GSE1: variants seen among roughly 807,000 people sequenced by gnomAD.
GSE1 encodes Gse1 coiled-coil protein, also known as genetic suppressor element 1.
Under a neutral mutation model 112.6 loss-of-function variants are expected in GSE1, and 32 were observed. The observed-to-expected ratio is 0.28, with a 90% CI of 0.21 to 0.38. GSE1 has a LOEUF of 0.38. Among genes scored for constraint, GSE1 ranks in the 10% least tolerant of loss-of-function variants. The pLI, the probability that GSE1 is intolerant of heterozygous loss-of-function variation, is 1.00. For synonymous variants in GSE1, 1,115 were observed against 735.6 expected, an observed-to-expected ratio of 1.52 and a Z score of -8.35; for missense variants, 2,348 against 1,699.2, an observed-to-expected ratio of 1.38 and a Z score of -6.71.
chr16:85,654,382 C>G lies in GSE1; in HGVS notation c.531C>G (p.Leu177=), dbSNP rs375693569. ...GACCAGCCATCCCCTCGCACCTGCTCAGCACCCCCTACCCCTTCGGCCTCT... is the reference window on the plus strand; with the variant it reads ...GACCAGCCATCCCCTCGCACCTGCTGAGCACCCCCTACCCCTTCGGCCTCT... ...AGGPAIPSHL[L]STPYPFGLSP... The change falls in exon 4 of 16, where the codon CTC becomes CTG. Residue 177 remains leucine, a synonymous_variant. Transcript: ENST00000253458. 4 of 1,611,650 alleles carry G rather than the reference C, an allele frequency of 2.5e-6. No individual in the cohort carries two copies. In the Admixed American group the frequency reaches 5.0e-5, roughly 20 times the overall value.
intron 2 of GSE1, among the ~76,000 whole-genome samples, chr16:85,467,914 G>A (rs1191708746): frequency 1.3e-5 from 2 of 152,184 alleles, no homozygotes; most frequent in African/African-American, 4.8e-5. Flanking sequence ...CTCTGAGCTG[G>A]GACCTGAGAC....
chr16:85,300,623 A>C (rs929193770), intron 1 of GSE1, among the ~76,000 whole-genome samples: 1 of 152,184 alleles, frequency 6.6e-6, no homozygotes, highest in Non-Finnish European at 1.5e-5. Context: ...TCAGTGCCTC[A>C]TTCCTCTCTC....
intron 1 of GSE1, among the ~76,000 whole-genome samples, chr16:85,188,015 A>G (rs1448767775): frequency 6.6e-6 from 1 of 152,172 alleles, no homozygotes; most frequent in Non-Finnish European, 1.5e-5. Flanking sequence ...CACGTCTCCC[A>G]TGGGCCTTGG....
At chr16:85,663,173 T>A in intron 10 of GSE1, 80 bp downstream of exon 10, 1 of 1,242,798 alleles carries the variant, frequency 8.0e-7, no homozygotes, top group Non-Finnish European at 1.2e-6. Flanking sequence ...TCCACCCCAC[T>A]GTTGCTAGGT....
chr16:85,494,014 T>C (rs1234656522), intron 2 of GSE1, among the ~76,000 whole-genome samples: 1 of 151,924 alleles, frequency 6.6e-6, no homozygotes, highest in Non-Finnish European at 1.5e-5. Flanking sequence ...GGCCCAGGAG[T>C]TTGAGGCTAC....
At chr16:85,186,086 GT>G (rs2074695303) in intron 1 of GSE1, among the ~76,000 whole-genome samples, 1 of 152,186 alleles carries the variant, frequency 6.6e-6, no homozygotes, top group South Asian at 2.1e-4. Context: ...ACTGTTCTAT[GT>G]CCCCCTAGGC....
chr16:85,206,668 G>A (rs2075122297), intron 1 of GSE1, among the ~76,000 whole-genome samples: 1 of 112,150 alleles, frequency 8.9e-6, no homozygotes, highest in Non-Finnish European at 1.8e-5. Context: ...TCCTGCCCCT[G>A]CCCGTCCCCT....
rs564272210 is a variant in GSE1, at chr16:85,627,044, C to CTTTTTTTTTTTTTTTTTTTTTTTTTTT, written c.8-6864_8-6838dup. Among the ~76,000 whole-genome samples the CTTTTTTTTTTTTTTTTTTTTTTTTTTT allele has an allele frequency of 8.0e-4, 20 of 25,068 alleles. 3 individuals are homozygous for CTTTTTTTTTTTTTTTTTTTTTTTTTTT. The highest frequency in any genetic ancestry group is 1.1e-3 in the Non-Finnish European group (15 of 14,064). 16.4% of individuals were successfully genotyped at this position (25,068 alleles called of 152,430 possible). A position where few individuals can be genotyped will look rare whatever the true frequency, so the allele number is the denominator to read the frequency against. The stretch of plus-strand genomic sequence containing the variant: ...GGACTTTGCTTCCTTTTCTTCTTGC[C>CTTTTTTTTTTTTTTTTTTTTTTTTTTT]TTTTTTTTTTTTTTTTTTTTTTTTT... On this transcript the variant is annotated intron_variant, in intron 1 of 15. Transcript: ENST00000253458.
rs190912785 is a variant in GSE1 at position 85,175,940 on chromosome 16, G to A, written c.2283+4133G>A. Among the ~76,000 whole-genome samples, 131 of 152,302 alleles carry A rather than the reference G, an allele frequency of 8.6e-4. 1 individual carries two copies. The highest frequency in any genetic ancestry group is 3.4e-3 in the Middle Eastern group (1 of 294). On this transcript the variant is annotated intron_variant, in intron 1 of 2. Transcript: ENST00000637419. ...AGGACCAGCGTCGGGCCTGAGTCCA[G>A]CTCTTGAGTCTGTGCTCCAGCCTCT... is the stretch of plus-strand genomic sequence containing the variant.
intron 1 of GSE1, among the ~76,000 whole-genome samples, chr16:85,280,521 G>T (rs563386241): frequency 6.6e-6 from 1 of 152,152 alleles, no homozygotes; most frequent in African/African-American, 2.4e-5. Flanking sequence ...TCAGCCTCTC[G>T]AGTAGCTGGG....
chr16:85,250,684 A>G (rs748818473), intron 1 of GSE1, among the ~76,000 whole-genome samples: 3 of 152,210 alleles, frequency 2.0e-5, no homozygotes, highest in East Asian at 1.9e-4. Context: ...TAATTCACAT[A>G]TCATGCAAGC....
At position 85,311,887 on chromosome 16, in the gene GSE1, G is replaced by A. The variant is rs1313312474; in HGVS notation, c.2284-45576G>A. Among the ~76,000 whole-genome samples the A allele has an allele frequency of 6.6e-6, 1 of 152,158 alleles. No individual in the cohort carries two copies. Among genetic ancestry groups the A allele is most frequent in the East Asian group, 1.9e-4 (1 of 5,180 alleles). On this transcript the variant is annotated intron_variant, in intron 1 of 2. Transcript: ENST00000637419. The surrounding 1 kb of genome is among the most constrained non-coding windows in gnomAD (Gnocchi z 4.2). ...GACCCCAGCGTCTGTGTTTCATGAG[G>A]GTTGTGAAGTCCCTGCCTTCCCGGG...
rs546199689 is a variant in GSE1, at chr16:85,573,086, ACTCCTGAC to A, written c.37+16727_37+16734del. 3.0e-3 allele frequency among the ~76,000 whole-genome samples: 456 copies of A among 151,716 alleles called. 1 individual carries two copies. The highest frequency in any genetic ancestry group is 0.011 in the African/African-American group (435 of 41,340). Reference sequence around the variant, plus strand: ...GCCATATTTGCCAGGCTGGTCTTAAACTCCTGACCTCAGGTGATCCGCCCGCCTCGGCC... The same window carrying A: ...GCCATATTTGCCAGGCTGGTCTTAAACTCAGGTGATCCGCCCGCCTCGGCC... On this transcript the variant is annotated intron_variant, in intron 1 of 2. Transcript: ENST00000635906.
Position 85,484,328 on chromosome 16 carries a change from C to G in GSE1, c.2464+126685C>G, listed in dbSNP as rs555278119. ...ATAGCCAGCAGGACTCAGATGGGAG[C>G]CTGGATTCCCATTTCTGCCAGTGAT... On this transcript the variant is annotated intron_variant, in intron 2 of 2. Coordinates refer to the GSE1 transcript ENST00000637419. Among the ~76,000 whole-genome samples the G allele has an allele frequency of 3.9e-3, 588 of 152,372 alleles. 4 individuals are homozygous for G. Among genetic ancestry groups the G allele is most frequent in the Non-Finnish European group, 5.2e-3 (351 of 68,044 alleles).
chr16:85,211,447 C>T (rs1316662324), intron 1 of GSE1, among the ~76,000 whole-genome samples: 2 of 152,212 alleles, frequency 1.3e-5, no homozygotes, highest in African/African-American at 2.4e-5. Flanking sequence ...GTGAGAACTG[C>T]GTTCCTGTCC....
intron 2 of GSE1, among the ~76,000 whole-genome samples, chr16:85,420,025 T>C (rs2048795870): frequency 2.0e-5 from 3 of 152,296 alleles, no homozygotes; most frequent in Middle Eastern, 3.4e-3. Context: ...CCAGGGATGC[T>C]GAACAGAACA....
At chr16:85,307,386 C>T (rs2045709038) in intron 1 of GSE1, among the ~76,000 whole-genome samples, 1 of 152,180 alleles carries the variant, frequency 6.6e-6, no homozygotes, top group Admixed American at 6.5e-5. Context: ...CTCAGGGGGC[C>T]CCAGGACAGC....
intron 2 of GSE1, among the ~76,000 whole-genome samples, chr16:85,637,353 G>A (rs1007794672): frequency 9.2e-5 from 14 of 152,212 alleles, no homozygotes; most frequent in Non-Finnish European, 1.3e-4. Flanking sequence ...GTGGCTGGAC[G>A]ACCCGGGTCG....
In GSE1 at chr16:85,661,776, C is replaced by T. The variant is rs1598661258; in HGVS notation, c.2260+11C>T. Reference sequence around the variant, plus strand: ...AGGCCCAGGAGAAAGGTCTGCCTCCCCGCGGGCCCCGAGCTGCTCAGGGAG... The same window carrying T: ...AGGCCCAGGAGAAAGGTCTGCCTCCTCGCGGGCCCCGAGCTGCTCAGGGAG... On this transcript the variant is annotated intron_variant, in intron 9 of 15. Coordinates refer to ENST00000253458, the MANE Select transcript of GSE1 (RefSeq NM_014615.5). The T allele has an allele frequency of 2.0e-6, 3 of 1,493,380 alleles. No individual in the cohort carries two copies. Among genetic ancestry groups the T allele is most frequent in the African/African-American group, 2.8e-5 (2 of 71,838 alleles). The allele number at this position is 1,493,380 out of a possible 1,614,324, so 92.5% of individuals were successfully genotyped here. A position where few individuals can be genotyped will look rare whatever the true frequency, so the allele number is the denominator to read the frequency against.
Sources: allele counts gnomAD v4.1 joint callset (sites outside exome capture counted in the v4.1 genomes callset), GRCh38; gene constraint gnomAD v4.1.1; non-coding constraint Gnocchi (gnomAD v3.1); transcripts MANE v1.5; gene names NCBI Gene and HGNC (gene_info 2026-07-23, HGNC 2026-07-21).